The following CSGALNACT1 variants were observed in gnomAD, a reference collection of about 807,000 sequenced individuals.
CSGALNACT1 encodes the protein chondroitin sulfate N-acetylgalactosaminyltransferase 1, also known as beta4GalNAcT-1.
A neutral mutation model predicts 51.0 loss-of-function variants in CSGALNACT1; 52 were observed. The ratio of observed to expected loss-of-function variants is 1.02; its 90% CI spans 0.82 to 1.29. The LOEUF (loss-of-function observed/expected upper bound fraction) is 1.29. Ranked by LOEUF, CSGALNACT1 falls within the 50% of genes most tolerant of loss-of-function variation. The probability of loss-of-function intolerance (pLI) is 0.00; values close to 1 mark genes in which losing one functional copy is unlikely to be tolerated. For missense variants in CSGALNACT1, 935 were observed against 679.2 expected (o/e 1.38, Z -4.19); for synonymous variants, 341 against 254.4 (o/e 1.34, Z -3.24).
intron 1 of CSGALNACT1, among the ~76,000 whole-genome samples, chr8:19,653,171 G>T (rs1268373344): frequency 1.3e-5 from 2 of 152,148 alleles, no homozygotes; most frequent in Admixed American, 1.3e-4. Flanking sequence ...CCAACCAGGA[G>T]ACTTCTGTCC....
At position 19,681,669 on chromosome 8, in the gene CSGALNACT1, A is replaced by G. The variant is rs535015360; in HGVS notation, c.-544+804T>C. Among the ~76,000 whole-genome samples, 5 of 152,312 alleles carry G rather than the reference A, an allele frequency of 3.3e-5. No homozygotes were observed. In the South Asian group the frequency reaches 6.2e-4, roughly 19 times the overall value. ...TGAAGTGCCTGACCTCGGCACTTGC[A>G]GCACCTCATCTGGCCTGGATGTGCT... On this transcript the variant is annotated intron_variant, in intron 1 of 9. Coordinates refer to the CSGALNACT1 transcript ENST00000332246.
intron 5 of CSGALNACT1, among the ~76,000 whole-genome samples, chr8:19,441,679 A>G (rs973306711): frequency 2.0e-5 from 3 of 152,220 alleles, no homozygotes; most frequent in Admixed American, 2.0e-4. Context: ...CATGTCTAAA[A>G]CACCAAAAGC....
At chr8:19,650,108 T>G (rs1350163652) in intron 1 of CSGALNACT1, among the ~76,000 whole-genome samples, 1 of 152,168 alleles carries the variant, frequency 6.6e-6, no homozygotes, top group Non-Finnish European at 1.5e-5. Context: ...ATTCAGTTGC[T>G]CTGGGGTGAG....
intron 5 of CSGALNACT1, among the ~76,000 whole-genome samples, chr8:19,456,519 G>A (rs1431182115): frequency 8.5e-5 from 13 of 152,314 alleles, no homozygotes; most frequent in South Asian, 6.2e-4. Context: ...TCAGAACGCC[G>A]CAGGTTCAGT....
At chr8:19,586,149 G>C (rs1010918597) in intron 3 of CSGALNACT1, among the ~76,000 whole-genome samples, 1 of 152,152 alleles carries the variant, frequency 6.6e-6, no homozygotes, top group African/African-American at 2.4e-5. Flanking sequence ...GATCACATGA[G>C]GTCAGGAGTT....
chr8:19,530,799 G>C (rs2082621696), intron 3 of CSGALNACT1, among the ~76,000 whole-genome samples: 1 of 152,174 alleles, frequency 6.6e-6, no homozygotes, highest in African/African-American at 2.4e-5. Context: ...TGAAGTCACA[G>C]ACTTTCTAAT....
intron 1 of CSGALNACT1, among the ~76,000 whole-genome samples, chr8:19,639,029 T>A (rs2056435665): frequency 6.6e-6 from 1 of 152,164 alleles, no homozygotes; most frequent in Non-Finnish European, 1.5e-5. Context: ...TATATCATGA[T>A]CACCTCTTCT....
At chr8:19,690,339 A>G (rs977126865) in intron 1 of CSGALNACT1, among the ~76,000 whole-genome samples, 5 of 152,228 alleles carry the variant, frequency 3.3e-5, no homozygotes, top group African/African-American at 1.2e-4. Context: ...CCATACTATT[A>G]TAAATTCATC....
chr8:19,622,717 G>C (rs1377315595), intron 1 of CSGALNACT1, among the ~76,000 whole-genome samples: 1 of 151,842 alleles, frequency 6.6e-6, no homozygotes, highest in Non-Finnish European at 1.5e-5. Context: ...ACCACTACAA[G>C]AATGTAAAAT....
upstream of CSGALNACT1, among the ~76,000 whole-genome samples, chr8:19,606,164 A>C (rs1366591656): frequency 5.3e-5 from 8 of 152,366 alleles, no homozygotes; most frequent in East Asian, 9.6e-4. Flanking sequence ...TGCCTAAAAT[A>C]ACAAATGAAA....
intron 2 of CSGALNACT1, among the ~76,000 whole-genome samples, chr8:19,594,180 G>A (rs564828175): frequency 5.9e-5 from 9 of 152,216 alleles, no homozygotes; most frequent in Middle Eastern, 3.4e-3. Flanking sequence ...GAAAAACATG[G>A]ACTGCTAGAG....
At chr8:19,748,687 G>A (rs1051789011) in intron 1 of CSGALNACT1, among the ~76,000 whole-genome samples, 5 of 152,138 alleles carry the variant, frequency 3.3e-5, no homozygotes, top group African/African-American at 9.7e-5. Context: ...TAAGTAGGCT[G>A]AGCGCAGTGG....
Position 19,512,897 on chromosome 8 carries a change from T to C in CSGALNACT1, c.-296-6767A>G, listed in dbSNP as rs79336382. Among the ~76,000 whole-genome samples the C allele has an allele frequency of 5.1e-3, 781 of 152,288 alleles. 7 individuals carry two copies. The highest frequency in any genetic ancestry group is 8.1e-3 in the Non-Finnish European group (553 of 68,012). On this transcript the variant is annotated intron_variant, in intron 3 of 9. Coordinates refer to ENST00000454498, the Ensembl canonical transcript of CSGALNACT1. Reference sequence around the variant, plus strand: ...GAAACCAGAGTCAACAATGGTGTGTTGTGTAGAAGTAGCTGACTATTACAG... The same window carrying C: ...GAAACCAGAGTCAACAATGGTGTGTCGTGTAGAAGTAGCTGACTATTACAG...
intron 4 of CSGALNACT1, among the ~76,000 whole-genome samples, chr8:19,480,881 A>G (rs151319614): frequency 6.6e-6 from 1 of 152,102 alleles, no homozygotes; most frequent in Admixed American, 6.5e-5. Flanking sequence ...CAGTTACTCT[A>G]AAGTTTCCAC....
At chr8:19,513,223 G>C (rs1352176954) in intron 3 of CSGALNACT1, among the ~76,000 whole-genome samples, 1 of 151,814 alleles carries the variant, frequency 6.6e-6, no homozygotes, top group Non-Finnish European at 1.5e-5. Flanking sequence ...ATTAGAGGTG[G>C]GTGGTAGCAC....
At chr8:19,617,489 T>C (rs904282578) in intron 1 of CSGALNACT1, among the ~76,000 whole-genome samples, 4 of 152,326 alleles carry the variant, frequency 2.6e-5, no homozygotes, top group African/African-American at 4.8e-5. Context: ...TTTTCTTTAT[T>C]CTATGCTCTC....
intron 4 of CSGALNACT1, among the ~76,000 whole-genome samples, chr8:19,469,654 C>T (rs1461542627): frequency 6.6e-6 from 1 of 152,168 alleles, no homozygotes; most frequent in Non-Finnish European, 1.5e-5. Flanking sequence ...TCTGGCACGG[C>T]TACATCCTTC....
At chr8:19,741,197 A>G (rs1293980752) in intron 1 of CSGALNACT1, among the ~76,000 whole-genome samples, 1 of 152,208 alleles carries the variant, frequency 6.6e-6, no homozygotes, top group African/African-American at 2.4e-5. Flanking sequence ...GATCAGAGAA[A>G]ACCATCACAG....
intron 6 of CSGALNACT1, among the ~76,000 whole-genome samples, chr8:19,428,044 C>G (rs1203775827): frequency 6.6e-6 from 1 of 152,102 alleles, no homozygotes; most frequent in Non-Finnish European, 1.5e-5. Context: ...TCCTCCTTCT[C>G]CTCTGGATCC....
Sources: gnomAD v4.1 joint callset for allele counts (sites outside exome capture counted in the v4.1 genomes callset) on GRCh38, gnomAD v4.1.1 for gene constraint, MANE v1.5 for transcripts, NCBI Gene and HGNC (gene_info 2026-07-23, HGNC 2026-07-21) for gene names.